CEP290: variants seen among roughly 807,000 people sequenced by gnomAD.
CEP290 encodes the protein centrosomal protein 290.
Under a neutral mutation model 344.9 loss-of-function variants are expected in CEP290, and 317 were observed. The ratio of observed to expected loss-of-function variants is 0.92; its 90% CI spans 0.84 to 1.01. The LOEUF (loss-of-function observed/expected upper bound fraction) is 1.01. Ranked by LOEUF, CEP290 falls within the 50% of genes least tolerant of loss-of-function variation. The pLI, the probability that CEP290 is intolerant of heterozygous loss-of-function variation, is 0.00. For missense variants in CEP290, 2,754 were observed against 2,761.4 expected, an observed-to-expected ratio of 1.00 and a Z score of 0.06; for synonymous variants, 932 against 895.8, an observed-to-expected ratio of 1.04 and a Z score of -0.72.
In CEP290 at chr12:88,141,274, T is replaced by G; in HGVS notation, c.34A>C (p.Lys12Gln). ...CGGGGCAGGTCATCTGGGTCAACTTTCATTATTTCTTTCCAGTTTATATTA... is the reference window on the plus strand; with the variant it reads ...CGGGGCAGGTCATCTGGGTCAACTTGCATTATTTCTTTCCAGTTTATATTA... ...PPNINWKEIM[K>Q]VDPDDLPRQE... Residue 12 changes from lysine (K) to glutamine (Q), a missense_variant, in exon 2 of 54, where the codon AAA becomes CAA. Physicochemically the swap from Lys to Gln is moderately conservative, Grantham distance 53 (BLOSUM62 1). Transcript: ENST00000552810. The G allele has an allele frequency of 1.9e-6, 3 of 1,611,292 alleles. No homozygotes were observed. Among genetic ancestry groups the G allele is most frequent in the Non-Finnish European group, 2.5e-6 (3 of 1,179,066 alleles).
intron 27 of CEP290, among the ~76,000 whole-genome samples, chr12:88,094,787 A>G (rs1205829358): frequency 2.6e-5 from 4 of 152,106 alleles, no homozygotes; most frequent in Non-Finnish European, 5.9e-5. Flanking sequence ...AGGGTAGCCA[A>G]TTACTTAAAG....
In CEP290 at chr12:88,060,816, T is replaced by TG. The variant is rs2034420276; in HGVS notation, c.6522+13_6522+14insC. On this transcript the variant is annotated intron_variant, in intron 47 of 53. Coordinates refer to ENST00000552810, the MANE Select transcript of CEP290 (RefSeq NM_025114.4). ...AAATATTCCCCTAAAAATGATCACA[T>TG]TAAAAAAAATTACCTTCAATTTTTC... is the stretch of plus-strand genomic sequence containing the variant. The TG allele has an allele frequency of 2.9e-6, 4 of 1,402,574 alleles. No homozygotes were observed. Among genetic ancestry groups the TG allele is most frequent in the Non-Finnish European group, 3.8e-6 (4 of 1,065,222 alleles). 86.9% of individuals were successfully genotyped at this position (1,402,574 alleles called of 1,614,324 possible). A position where few individuals can be genotyped will look rare whatever the true frequency, so the allele number is the denominator to read the frequency against.
chr12:88,121,712 C>T (rs2039415638), intron 13 of CEP290, among the ~76,000 whole-genome samples: 1 of 152,014 alleles, frequency 6.6e-6, no homozygotes, highest in Admixed American at 6.6e-5. Context: ...AGGGTGGCAA[C>T]TTCACATGAG....
At chr12:88,105,659 T>C (rs2038218614) in intron 25 of CEP290, among the ~76,000 whole-genome samples, 1 of 152,206 alleles carries the variant, frequency 6.6e-6, no homozygotes, top group Non-Finnish European at 1.5e-5. Flanking sequence ...TTGTTATTTG[T>C]ATGGTACCAA....
intron 3 of CEP290, 74 bp from the exon 4 acceptor site, chr12:88,139,638 T>C: frequency 8.7e-7 from 1 of 1,148,546 alleles, no homozygotes; most frequent in Non-Finnish European, 1.2e-6. Flanking sequence ...AAATTCTGTT[T>C]TATTTGTTAT....
At chr12:88,086,555 G>T in intron 32 of CEP290, 57 bp from the exon 33 acceptor site, 2 of 1,147,196 alleles carry the variant, frequency 1.7e-6, no homozygotes, top group South Asian at 1.5e-5. Context: ...GCACATAACA[G>T]GCATTTTATA....
At chr12:88,107,187 G>A (rs1461386816) in intron 23 of CEP290, 89 bp from the exon 24 acceptor site, 3 of 801,778 alleles carry the variant, frequency 3.7e-6, no homozygotes, top group African/African-American at 1.8e-5. Context: ...CAAATTTAAA[G>A]TTTTCTCAAC....
At chr12:88,095,549 C>T (rs2037366796) in intron 27 of CEP290, among the ~76,000 whole-genome samples, 1 of 152,092 alleles carries the variant, frequency 6.6e-6, no homozygotes, top group Non-Finnish European at 1.5e-5. Flanking sequence ...TTAAATGGTA[C>T]CTTCTTCCAT....
At chr12:88,116,504 C>T (rs1196430827) in intron 18 of CEP290, among the ~76,000 whole-genome samples, 4 of 152,168 alleles carry the variant, frequency 2.6e-5, no homozygotes, top group Non-Finnish European at 5.9e-5. Flanking sequence ...ATCTCCTATG[C>T]AGCAGCTCTG....
chr12:88,084,079 T>C (rs912365944), intron 35 of CEP290, 125 bp from the exon 36 acceptor site: 25 of 636,570 alleles, frequency 3.9e-5, no homozygotes, highest in African/African-American at 3.9e-4. Flanking sequence ...AAACAGTATC[T>C]CCATATATGT....
intron 27 of CEP290, among the ~76,000 whole-genome samples, chr12:88,094,959 A>G (rs1464704138): frequency 6.6e-6 from 1 of 152,160 alleles, no homozygotes; most frequent in Non-Finnish European, 1.5e-5. Flanking sequence ...TTTAAAAAGT[A>G]CTTCATTATG....
At chr12:88,122,367 C>T (rs1467674815) in intron 13 of CEP290, among the ~76,000 whole-genome samples, 1 of 152,128 alleles carries the variant, frequency 6.6e-6, no homozygotes. Flanking sequence ...TGCATTCCAT[C>T]CATTTTGGAT....
chr12:88,129,852 T>C lies in CEP290; in HGVS notation c.694A>G (p.Ile232Val). Residue 232 changes from isoleucine (I) to valine (V), a missense_variant, in exon 10 of 54, where the codon ATT becomes GTT. Physicochemically the swap from Ile to Val is conservative, Grantham distance 29. Transcript: ENST00000552810. ...IQTLTEANEKIEVQNQEMRKN... is the reference protein window; with the variant it reads ...IQTLTEANEKVEVQNQEMRKN... ...CTCATTTCTTGATTCTGAACTTCAA[T>C]TTTCTCATTAGCTTCTGTTAAAGTC... is the stretch of plus-strand genomic sequence containing the variant. 2 of 1,460,370 alleles carry C rather than the reference T, an allele frequency of 1.4e-6. No homozygotes were observed. The highest frequency in any genetic ancestry group is 1.5e-5 in the African/African-American group (1 of 66,948). 90.5% of individuals were successfully genotyped at this position (1,460,370 alleles called of 1,614,324 possible). A position where few individuals can be genotyped will look rare whatever the true frequency, so the allele number is the denominator to read the frequency against.
chr12:88,055,073 A>G (rs1480998182), intron 50 of CEP290, among the ~76,000 whole-genome samples: 1 of 152,172 alleles, frequency 6.6e-6, no homozygotes, highest in Non-Finnish European at 1.5e-5. Flanking sequence ...GGATATGAAA[A>G]GAACTTTTAA....
rs763128587 is a variant in CEP290, at chr12:88,111,823, A to T, written c.2088T>A (p.Asp696Glu). 6.2e-7 allele frequency: 1 copy of T among 1,602,830 alleles called. No individual in the cohort carries two copies. Among genetic ancestry groups the T allele is most frequent in the Admixed American group, 1.7e-5 (1 of 58,498 alleles). ...CTTGGGCTTTCAAATGCAGACTCGC[A>T]TCAAAGATTCCTTCTGCATTCTTTG... ...IESKNAEGIFDASLHLKAQVD... is the reference protein window; with the variant it reads ...IESKNAEGIFEASLHLKAQVD... Residue 696 changes from aspartate to glutamate, a missense_variant, in exon 21 of 54, where the codon GAT becomes GAA. Physicochemically the swap from Asp to Glu is conservative, Grantham distance 45. Transcript: ENST00000552810.
At position 88,117,058 on chromosome 12, in the gene CEP290, T is replaced by C. The variant is rs1235245850; in HGVS notation, c.1799A>G (p.Lys600Arg). 1.1e-5 allele frequency: 17 copies of C among 1,534,658 alleles called. No individual in the cohort carries two copies. Among genetic ancestry groups the C allele is most frequent in the Non-Finnish European group, 1.4e-5 (16 of 1,126,242 alleles). Residue 600 changes from lysine (K) to arginine (R), a missense_variant, in exon 18 of 54, where the codon AAA (lysine) becomes AGA (arginine). By Grantham distance (26) the Lys-to-Arg change is conservative. Transcript: ENST00000552810. ...SERKLDLLSLKNMSEAQSKNE... is the reference protein window; with the variant it reads ...SERKLDLLSLRNMSEAQSKNE... Reference sequence around the variant, plus strand: ...CTTTGATTGTGCTTCACTCATATTTTTGAGGCTCAATAAATCCAATTTTCT... The same window carrying C: ...CTTTGATTGTGCTTCACTCATATTTCTGAGGCTCAATAAATCCAATTTTCT...
chr12:88,103,270 T>C (rs1392199864), intron 25 of CEP290: 1 of 217,464 alleles, frequency 4.6e-6, no homozygotes, highest in African/African-American at 2.3e-5. Flanking sequence ...TCAATTAATT[T>C]GAGAAAACAT....
chr12:88,081,870 G>A (rs1228173392), intron 37 of CEP290, among the ~76,000 whole-genome samples: 1 of 152,100 alleles, frequency 6.6e-6, no homozygotes, highest in African/African-American at 2.4e-5. Context: ...AAATTTACTA[G>A]ACCAAAAATA....
chr12:88,078,996 C>T, intron 39 of CEP290, 96 bp downstream of exon 39: 1 of 1,047,150 alleles, frequency 9.5e-7, no homozygotes, highest in Non-Finnish European at 1.3e-6. Context: ...ATTATAAATT[C>T]CCTATTCATC....
Sources: allele counts gnomAD v4.1 joint callset (sites outside exome capture counted in the v4.1 genomes callset), GRCh38; gene constraint gnomAD v4.1.1; transcripts MANE v1.5; gene names NCBI Gene and HGNC (gene_info 2026-07-23, HGNC 2026-07-21).